Variants in SNX29 observed in about 807,000 individuals in gnomAD.
SNX29 encodes the protein sorting nexin-29.
A neutral mutation model predicts 102.1 loss-of-function variants in SNX29; 78 were observed. That is an observed-to-expected ratio of 0.76 (90% CI 0.64 to 0.92). SNX29 has a LOEUF of 0.92. SNX29 is among the 40% of genes least tolerant of loss of function. The pLI is 0.00. For missense variants in SNX29, 1,280 were observed against 1,061.7 expected (o/e 1.21, Z -2.86); for synonymous variants, 580 against 414.5 (o/e 1.40, Z -4.85).
intron 15 of SNX29, among the ~76,000 whole-genome samples, chr16:12,290,951 A>G (rs527284993): frequency 2.0e-5 from 3 of 152,268 alleles, no homozygotes; most frequent in South Asian, 2.1e-4. Flanking sequence ...TGGATCCACT[A>G]TAGACTTTTT....
intron 18 of SNX29, among the ~76,000 whole-genome samples, chr16:12,411,236 C>T (rs560562841): frequency 2.0e-5 from 3 of 152,172 alleles, no homozygotes; most frequent in African/African-American, 2.4e-5. Context: ...GAGAGCCGGC[C>T]GTGGACTGAG....
At chr16:12,217,765 C>T (rs149165213) in intron 14 of SNX29, among the ~76,000 whole-genome samples, 218 of 152,328 alleles carry the variant, frequency 1.4e-3, no homozygotes, top group African/African-American at 4.6e-3. Context: ...TTTCATTCAA[C>T]TGGAATTCAG....
intron 18 of SNX29, among the ~76,000 whole-genome samples, chr16:12,471,525 C>G (rs1303088381): frequency 1.3e-5 from 2 of 152,172 alleles, no homozygotes; most frequent in African/African-American, 4.8e-5. Context: ...AATCCAGTGT[C>G]TGGGCTCCCT....
chr16:12,573,997 G>C lies in SNX29; in HGVS notation c.*5368G>C. The C allele has an allele frequency of 5.0e-6, 1 of 198,044 alleles. No homozygotes were observed. The highest frequency in any genetic ancestry group is 7.9e-5 in the East Asian group (1 of 12,708). The allele number at this position is 198,044 out of a possible 1,614,324, so 12.3% of individuals were successfully genotyped here. On this transcript the variant is annotated 3_prime_UTR_variant, in exon 21 of 21. Transcript: ENST00000566228. Reference sequence around the variant, plus strand: ...GGGGCGCCCATGATCGGCTCCCAGTGCACCCCCTTAAGGGTAAGCAGGCCA... The same window carrying C: ...GGGGCGCCCATGATCGGCTCCCAGTCCACCCCCTTAAGGGTAAGCAGGCCA...
At chr16:12,550,972 C>G (rs1477611366) in intron 20 of SNX29, among the ~76,000 whole-genome samples, 1 of 152,098 alleles carries the variant, frequency 6.6e-6, no homozygotes, top group Non-Finnish European at 1.5e-5. Flanking sequence ...GCTTAGGGCA[C>G]AACAAAAAGC....
At chr16:12,543,776 G>T (rs945067876) in intron 20 of SNX29, among the ~76,000 whole-genome samples, 1 of 152,204 alleles carries the variant, frequency 6.6e-6, no homozygotes, top group African/African-American at 2.4e-5. Flanking sequence ...TATTTTCCAA[G>T]ATGTATCTGG....
intron 18 of SNX29, among the ~76,000 whole-genome samples, chr16:12,429,592 G>A (rs572415440): frequency 6.6e-6 from 1 of 152,128 alleles, no homozygotes; most frequent in Non-Finnish European, 1.5e-5. Flanking sequence ...TTAATTTAAC[G>A]TGAGATTTTT....
At chr16:12,104,037 G>A (rs897652685) in intron 11 of SNX29, among the ~76,000 whole-genome samples, 1 of 152,164 alleles carries the variant, frequency 6.6e-6, no homozygotes, top group African/African-American at 2.4e-5. Flanking sequence ...TCAGTTTCCT[G>A]GAATTGGAAG....
At position 12,368,719 on chromosome 16, in the gene SNX29, C is replaced by T. The variant is rs149969063; in HGVS notation, c.1899+12440C>T. On this transcript the variant is annotated intron_variant, in intron 16 of 20. Coordinates refer to ENST00000566228, the MANE Select transcript of SNX29 (RefSeq NM_032167.5). ...GCAGCTTTTTACCCCTCCGTTCTAC[C>T]TGTCCTGTCTTCTCTTCTCCAGCAT... Among the ~76,000 whole-genome samples the T allele has an allele frequency of 3.9e-3, 601 of 152,342 alleles. 4 individuals are homozygous for T. The highest frequency in any genetic ancestry group is 0.014 in the African/African-American group (574 of 41,580).
intron 8 of SNX29, among the ~76,000 whole-genome samples, chr16:12,057,663 G>GGTCC (rs1369854082): frequency 6.6e-6 from 1 of 152,018 alleles, no homozygotes; most frequent in East Asian, 1.9e-4. Context: ...CAGCCACAGG[G>GGTCC]GGACGGTTAA....
chr16:12,520,275 C>T (rs2090047325), intron 19 of SNX29, among the ~76,000 whole-genome samples: 1 of 152,240 alleles, frequency 6.6e-6, no homozygotes, highest in South Asian at 2.1e-4. Context: ...CAGATGGCTT[C>T]TCCTAAAGCC....
At chr16:12,552,055 G>A (rs966858182) in intron 20 of SNX29, among the ~76,000 whole-genome samples, 1 of 150,802 alleles carries the variant, frequency 6.6e-6, no homozygotes, top group East Asian at 2.0e-4. Context: ...AGGATTTTTG[G>A]GGCACTGAAT....
chr16:12,022,021 A>T (rs1273197355), intron 3 of SNX29, among the ~76,000 whole-genome samples: 1 of 151,688 alleles, frequency 6.6e-6, no homozygotes, highest in East Asian at 1.9e-4. Context: ...CAGCAGGAGG[A>T]AGTTACTTCA....
chr16:12,483,968 C>G (rs906847507), intron 19 of SNX29, among the ~76,000 whole-genome samples: 1 of 152,212 alleles, frequency 6.6e-6, no homozygotes, highest in Non-Finnish European at 1.5e-5. Flanking sequence ...TAGTGACCAG[C>G]TCTAATGACG....
At chr16:12,473,440 A>T (rs1396529954) in intron 18 of SNX29, among the ~76,000 whole-genome samples, 1 of 152,156 alleles carries the variant, frequency 6.6e-6, no homozygotes, top group Non-Finnish European at 1.5e-5. Context: ...CAGGGGAACG[A>T]GGCAAGGGCT....
At chr16:12,307,712 C>G (rs566317275) in intron 15 of SNX29, among the ~76,000 whole-genome samples, 158 of 152,346 alleles carry the variant, frequency 1.0e-3, no homozygotes, top group African/African-American at 3.7e-3. Flanking sequence ...GAGGGCCTGC[C>G]TGTCTGCACA....
chr16:12,550,226 CCTTT>C (rs1409906554), intron 20 of SNX29, among the ~76,000 whole-genome samples: 14 of 152,158 alleles, frequency 9.2e-5, no homozygotes, highest in African/African-American at 3.1e-4. Context: ...CCACACAATA[CCTTT>C]CTAATTTTAG....
chr16:12,141,976 T>C (rs2054884074), intron 13 of SNX29, among the ~76,000 whole-genome samples: 2 of 152,180 alleles, frequency 1.3e-5, no homozygotes, highest in African/African-American at 4.8e-5. Flanking sequence ...GATGGAGCTG[T>C]TATGGTTCAA....
chr16:12,428,325 A>G (rs958558171), intron 18 of SNX29, among the ~76,000 whole-genome samples: 3 of 152,244 alleles, frequency 2.0e-5, no homozygotes, highest in Non-Finnish European at 4.4e-5. Flanking sequence ...ATCCTTAAAC[A>G]GAACTCAGGG....
Sources: allele counts gnomAD v4.1 joint callset (sites outside exome capture counted in the v4.1 genomes callset), GRCh38; gene constraint gnomAD v4.1.1; transcripts MANE v1.5; gene names NCBI Gene and HGNC (gene_info 2026-07-23, HGNC 2026-07-21).